The following PPEF1 variants were observed in gnomAD, a reference collection of about 807,000 sequenced individuals.
PPEF1 encodes the protein protein phosphatase with EF-hand domain 1.
PPEF1 carries 12 observed loss-of-function variants against 53.3 expected under a neutral mutation model. The observed-to-expected ratio is 0.23, with a 90% CI of 0.14 to 0.36. The LOEUF is 0.36. Ranked by LOEUF, PPEF1 falls within the 10% of genes least tolerant of loss-of-function variation. PPEF1 has a pLI of 1.00. For missense variants in PPEF1, 334 were observed against 490.4 expected, an observed-to-expected ratio of 0.68 and a Z score of 3.01; for synonymous variants, 165 against 176.7, an observed-to-expected ratio of 0.93 and a Z score of 0.52.
At chrX:18,733,583 A>G (rs756542639) in intron 2 of PPEF1, among the ~76,000 whole-genome samples, 165 bp from the exon 3 acceptor site, 2 of 111,982 alleles carry the variant, frequency 1.8e-5, no homozygotes, top group Non-Finnish European at 3.8e-5. Context: ...CTCTGGATGC[A>G]GGCAGTCCTC....
intron 6 of PPEF1, among the ~76,000 whole-genome samples, chrX:18,777,740 A>G (rs1364933816): frequency 1.0e-5 from 1 of 99,690 alleles, no homozygotes; most frequent in Non-Finnish European, 2.0e-5. Context: ...GTTAGCCAGG[A>G]TGGTCTTTTC....
exon 6 of PPEF1, chrX:18,700,379 C>A (rs1602354286): frequency 9.5e-6 from 1 of 105,421 alleles, no homozygotes; most frequent in East Asian, 3.0e-4. Context: ...GTCTTCATTT[C>A]CTTTGAAACA....
intron 7 of PPEF1, among the ~76,000 whole-genome samples, chrX:18,781,790 T>C (rs1475301701): frequency 9.0e-6 from 1 of 111,313 alleles, no homozygotes; most frequent in East Asian, 2.8e-4. Flanking sequence ...TTGTCATCAT[T>C]GAATCTCCCT....
intron 10 of PPEF1, among the ~76,000 whole-genome samples, chrX:18,801,243 G>A (rs1252398708): frequency 8.9e-6 from 1 of 111,819 alleles, no homozygotes; most frequent in African/African-American, 3.3e-5. Flanking sequence ...GGTATCTGAT[G>A]TGGGCCTGGT....
At chrX:18,820,995 G>T (rs2047023165) in intron 13 of PPEF1, among the ~76,000 whole-genome samples, 1 of 109,491 alleles carries the variant, frequency 9.1e-6, no homozygotes, top group Non-Finnish European at 1.9e-5. Context: ...AGGCCGAGGA[G>T]GGTGGATCAC....
chrX:18,685,207 T>TTA (rs1338248094), intron 2 of PPEF1, among the ~76,000 whole-genome samples: 1 of 112,476 alleles, frequency 8.9e-6, no homozygotes, highest in East Asian at 2.8e-4. Context: ...GGTGCAGGTG[T>TTA]TAAACTCCAG....
At chrX:18,699,385 A>G (rs1929924612) in intron 5 of PPEF1, among the ~76,000 whole-genome samples, 1 of 111,742 alleles carries the variant, frequency 8.9e-6, no homozygotes, top group Non-Finnish European at 1.9e-5. Context: ...GGGTTATGAA[A>G]TGTTTATGGC....
At chrX:18,781,254 C>T (rs1213746927) in intron 7 of PPEF1, among the ~76,000 whole-genome samples, 1 of 110,274 alleles carries the variant, frequency 9.1e-6, no homozygotes. Flanking sequence ...AGTGTACATA[C>T]ATGTCCAGAG....
Position 18,749,833 on chromosome X carries a change from G to T in PPEF1, c.277G>T (p.Asp93Tyr). ...QSLESEQDMR[D>Y]RWDYVDSIDV... ...TCTTGAAAGCGAACAGGACATGAGG[G>T]ATAGATGGGATTATGTGGACTCGAT... The change falls in exon 4 of 16, where the codon GAT (aspartate) becomes TAT (tyrosine). Residue 93 changes from aspartate to tyrosine, a missense_variant. Transcript: ENST00000470157. 1 of 1,194,328 alleles carries T rather than the reference G, an allele frequency of 8.4e-7. No homozygotes were observed. The highest frequency in any genetic ancestry group is 1.1e-6 in the Non-Finnish European group (1 of 886,605).
chrX:18,818,370 C>CT (rs11297772), intron 13 of PPEF1, among the ~76,000 whole-genome samples: 2,584 of 81,667 alleles, frequency 0.032, 45 homozygotes, highest in Non-Finnish European at 0.046. Flanking sequence ...CTGAATTAAA[C>CT]TTTTTTTTTT....
intron 6 of PPEF1, among the ~76,000 whole-genome samples, chrX:18,766,994 G>T (rs2045788445): frequency 8.9e-6 from 1 of 112,148 alleles, no homozygotes; most frequent in South Asian, 3.7e-4. Context: ...AGAGGTTGCA[G>T]TGAGCCAAGA....
upstream of PPEF1, among the ~76,000 whole-genome samples, chrX:18,703,510 A>G (rs765458908): frequency 1.8e-5 from 2 of 112,221 alleles, no homozygotes; most frequent in Admixed American, 9.5e-5. Context: ...GACTTTTAGC[A>G]ACTAAATTTT....
chrX:18,717,556 A>T (rs1047112203), intron 1 of PPEF1, among the ~76,000 whole-genome samples: 18 of 110,395 alleles, frequency 1.6e-4, no homozygotes, highest in African/African-American at 5.6e-4. Flanking sequence ...CAGCCCAGGG[A>T]AGATGATCTG....
At chrX:18,801,705 G>A (rs933391752) in intron 10 of PPEF1, among the ~76,000 whole-genome samples, 14 of 111,323 alleles carry the variant, frequency 1.3e-4, no homozygotes, top group African/African-American at 4.6e-4. Context: ...ATTACAGGCC[G>A]GGTGCAGTGG....
chrX:18,796,417 T>A (rs2046434831), intron 10 of PPEF1, among the ~76,000 whole-genome samples: 1 of 112,655 alleles, frequency 8.9e-6, no homozygotes, highest in Non-Finnish European at 1.9e-5. Flanking sequence ...GTAGATAGAA[T>A]CATAACCATA....
At chrX:18,680,307 T>C, upstream of PPEF1, among the ~76,000 whole-genome samples, 1 of 110,155 alleles carries the variant, frequency 9.1e-6, no homozygotes, top group Non-Finnish European at 1.9e-5. Flanking sequence ...TACCCAGATA[T>C]CTTCTCAGTG....
intron 3 of PPEF1, among the ~76,000 whole-genome samples, chrX:18,740,892 A>G (rs1602401696): frequency 1.0e-5 from 1 of 99,042 alleles, no homozygotes; most frequent in Admixed American, 1.1e-4. Context: ...TTAAACGCTC[A>G]TTTTGCTTTA....
At chrX:18,686,105 T>C (rs1929067264) in intron 2 of PPEF1, 1 of 112,463 alleles carries the variant, frequency 8.9e-6, no homozygotes, top group Admixed American at 9.4e-5. Context: ...ATGTAGTCCT[T>C]ACAGTAAAAT....
chrX:18,724,334 C>T (rs1410370069), intron 1 of PPEF1, among the ~76,000 whole-genome samples: 1 of 111,777 alleles, frequency 8.9e-6, no homozygotes, highest in Non-Finnish European at 1.9e-5. Flanking sequence ...CCACATAAAG[C>T]ACGAGGCACA....
Sources: gnomAD v4.1 joint callset for allele counts (sites outside exome capture counted in the v4.1 genomes callset) on GRCh38, gnomAD v4.1.1 for gene constraint, MANE v1.5 for transcripts, NCBI Gene and HGNC (gene_info 2026-07-23, HGNC 2026-07-21) for gene names.